Variants in FAM178B observed in about 807,000 individuals in gnomAD.
The protein encoded by FAM178B is protein FAM178B.
In FAM178B, 82 loss-of-function variants were observed where a neutral mutation model predicts 91.7. That is an observed-to-expected ratio of 0.89 (90% CI 0.75 to 1.07). The LOEUF (loss-of-function observed/expected upper bound fraction) is 1.07, where lower values mean the gene tolerates loss of function less well. Ranked by LOEUF, FAM178B falls within the 50% of genes least tolerant of loss-of-function variation. The probability of loss-of-function intolerance (pLI) is 0.00; values close to 1 mark genes in which losing one functional copy is unlikely to be tolerated. For missense variants in FAM178B, 769 were observed against 846.7 expected (o/e 0.91, Z 1.14); for synonymous variants, 368 against 359.4 (o/e 1.02, Z -0.27).
intron 8 of FAM178B, among the ~76,000 whole-genome samples, chr2:96,932,732 G>A (rs1457014733): frequency 6.6e-6 from 1 of 150,754 alleles, no homozygotes; most frequent in African/African-American, 2.4e-5. Flanking sequence ...GAGGTCAGGA[G>A]TTCGAGACCA....
At chr2:96,911,848 C>T (rs1399030304) in intron 12 of FAM178B, among the ~76,000 whole-genome samples, 1 of 152,152 alleles carries the variant, frequency 6.6e-6, no homozygotes, top group East Asian at 1.9e-4. Context: ...CCATGGAAGA[C>T]AGGGAAGGGG....
intron 1 of FAM178B, among the ~76,000 whole-genome samples, chr2:96,978,771 C>T (rs1164969644): frequency 4.6e-5 from 7 of 151,644 alleles, no homozygotes; most frequent in African/African-American, 1.7e-4. Context: ...ATTACAGGCG[C>T]CCGCCACCAC....
At chr2:96,928,914 C>T (rs1299699491) in intron 9 of FAM178B, among the ~76,000 whole-genome samples, 2 of 152,068 alleles carry the variant, frequency 1.3e-5, no homozygotes, top group African/African-American at 2.4e-5. Context: ...CTTTGGGAGG[C>T]CAAAGCAGAA....
At position 96,882,670 on chromosome 2, in the gene FAM178B, T is replaced by G. The variant is rs368055052; in HGVS notation, c.1777-4177A>C. 1.4e-4 allele frequency among the ~76,000 whole-genome samples: 21 copies of G among 152,322 alleles called. 1 individual carries two copies. In the South Asian group the frequency reaches 4.3e-3, roughly 32 times the overall value. On this transcript the variant is annotated intron_variant, in intron 14 of 16. Transcript: ENST00000490605. Reference sequence around the variant, plus strand: ...CCCTTTGGGAGCACAAGGTGGCCCTTCTATACGCCAGAGGGAGGCCCTTCC... The same window carrying G: ...CCCTTTGGGAGCACAAGGTGGCCCTGCTATACGCCAGAGGGAGGCCCTTCC...
intron 12 of FAM178B, among the ~76,000 whole-genome samples, chr2:96,918,966 C>T (rs904024524): frequency 3.3e-5 from 5 of 152,200 alleles, no homozygotes; most frequent in South Asian, 2.1e-4. Context: ...CAATCGATCA[C>T]GACCCTCTCA....
At chr2:96,954,385 G>T (rs1001744665) in intron 6 of FAM178B, among the ~76,000 whole-genome samples, 1 of 152,222 alleles carries the variant, frequency 6.6e-6, no homozygotes, top group African/African-American at 2.4e-5. Context: ...CAGCTACAAC[G>T]GGGAAACCCG....
At chr2:96,888,821 C>T (rs2080591867) in intron 14 of FAM178B, among the ~76,000 whole-genome samples, 2 of 152,338 alleles carry the variant, frequency 1.3e-5, no homozygotes, top group South Asian at 4.1e-4. Flanking sequence ...TGAGCATGAA[C>T]GCAGTGGAGT....
At chr2:96,903,387 C>G (rs1262820137) in intron 12 of FAM178B, among the ~76,000 whole-genome samples, 1 of 152,236 alleles carries the variant, frequency 6.6e-6, no homozygotes, top group African/African-American at 2.4e-5. Flanking sequence ...TGTGGCTCCA[C>G]CTCTGCAGGG....
intron 13 of FAM178B, among the ~76,000 whole-genome samples, chr2:96,901,597 GTTTT>G (rs2080933516): frequency 3.3e-5 from 5 of 152,082 alleles, no homozygotes; most frequent in Non-Finnish European, 5.9e-5. Context: ...AACAGTATTT[GTTTT>G]TATGCTTTAC....
intron 12 of FAM178B, among the ~76,000 whole-genome samples, chr2:96,905,844 A>ATATATG (rs1423235901): frequency 3.8e-4 from 11 of 28,598 alleles, no homozygotes; most frequent in South Asian, 9.4e-4. Flanking sequence ...ATATATATAT[A>ATATATG]TATATATATA....
In FAM178B at chr2:96,933,593, C is replaced by T. The variant is rs764498242; in HGVS notation, c.1079-4273G>A. ...TCCTGCCCCCCTTCTGGGCCTCCCT[C>T]GTGCCCTGAGTCCTCAGCCTGGGCC... On this transcript the variant is annotated intron_variant, in intron 8 of 16. Coordinates refer to ENST00000490605, the MANE Select transcript of FAM178B (RefSeq NM_001122646.3). Among the ~76,000 whole-genome samples the T allele has an allele frequency of 5.5e-4, 84 of 152,316 alleles. 1 individual carries two copies. Among genetic ancestry groups the T allele is most frequent in the South Asian group, 8.3e-4 (4 of 4,818 alleles).
At chr2:96,972,417 G>A in intron 2 of FAM178B, 95 bp from the exon 3 acceptor site, 1 of 1,480,246 alleles carries the variant, frequency 6.8e-7, no homozygotes, top group Non-Finnish European at 9.1e-7. Flanking sequence ...AAATGGGTGA[G>A]AGAACAACTT....
At chr2:96,905,834 A>ATGTATGTATGTATATATATATATGTATG (rs1559063992) in intron 12 of FAM178B, among the ~76,000 whole-genome samples, 1 of 23,026 alleles carries the variant, frequency 4.3e-5, no homozygotes, top group African/African-American at 1.5e-4. Flanking sequence ...ATATATATAT[A>ATGTATGTATGTATATATATATATGTATG]TATATATATA....
At chr2:96,974,610 C>T (rs982773366) in intron 1 of FAM178B, among the ~76,000 whole-genome samples, 1 of 152,030 alleles carries the variant, frequency 6.6e-6, no homozygotes, top group Non-Finnish European at 1.5e-5. Flanking sequence ...CATGATTCAA[C>T]TACATTATGA....
chr2:96,979,788 A>T (rs2082338100), intron 1 of FAM178B, among the ~76,000 whole-genome samples: 1 of 152,112 alleles, frequency 6.6e-6, no homozygotes. Context: ...ATCCTCACCA[A>T]CATTTGCTAT....
intron 14 of FAM178B, among the ~76,000 whole-genome samples, chr2:96,893,515 G>A (rs1035787998): frequency 4.6e-5 from 7 of 152,018 alleles, no homozygotes; most frequent in African/African-American, 1.2e-4. Context: ...GCCCAGCTCT[G>A]CCTACAGAAG....
intron 1 of FAM178B, among the ~76,000 whole-genome samples, chr2:96,976,016 C>T (rs942253530): frequency 6.6e-6 from 1 of 152,026 alleles, no homozygotes; most frequent in Admixed American, 6.6e-5. Context: ...CCCACAACAG[C>T]AGAATACACA....
intron 14 of FAM178B, among the ~76,000 whole-genome samples, chr2:96,891,486 T>C (rs2080678370): frequency 6.6e-6 from 1 of 151,214 alleles, no homozygotes; most frequent in Non-Finnish European, 1.5e-5. Context: ...AAGAAGGGAG[T>C]TCAGAGAAGG....
intron 12 of FAM178B, among the ~76,000 whole-genome samples, chr2:96,904,287 C>T (rs557958544): frequency 6.6e-6 from 1 of 152,252 alleles, no homozygotes; most frequent in African/African-American, 2.4e-5. Context: ...TATGAATGAA[C>T]CACAAGTACC....
Sources: allele counts gnomAD v4.1 joint callset (sites outside exome capture counted in the v4.1 genomes callset), GRCh38; gene constraint gnomAD v4.1.1; transcripts MANE v1.5; gene names NCBI Gene and HGNC (gene_info 2026-07-23, HGNC 2026-07-21).